Variants in TEX26 observed in about 807,000 individuals in gnomAD.
TEX26 encodes the protein testis-expressed protein 26.
In TEX26, 34 loss-of-function variants were observed where a neutral mutation model predicts 35.3. That is an observed-to-expected ratio of 0.96 (90% CI 0.73 to 1.28). The LOEUF (loss-of-function observed/expected upper bound fraction) is 1.28. Ranked by LOEUF, TEX26 falls within the 50% of genes most tolerant of loss-of-function variation. TEX26 has a pLI of 0.00. For missense variants in TEX26, 371 were observed against 330.1 expected, an observed-to-expected ratio of 1.12 and a Z score of -0.96; for synonymous variants, 136 against 111.8, an observed-to-expected ratio of 1.22 and a Z score of -1.36.
At chr13:30,958,573 T>C (rs548551843) in intron 4 of TEX26, among the ~76,000 whole-genome samples, 1 of 152,172 alleles carries the variant, frequency 6.6e-6, no homozygotes, top group African/African-American at 2.4e-5. Flanking sequence ...GACAGGAGAA[T>C]GACACATCTC....
At chr13:30,942,018 T>C (rs985509810) in intron 2 of TEX26, among the ~76,000 whole-genome samples, 6 of 152,178 alleles carry the variant, frequency 3.9e-5, no homozygotes, top group African/African-American at 1.4e-4. Context: ...TTCCTTTGGG[T>C]AGATACCTAG....
At chr13:30,935,032 A>G (rs1319186154) in intron 1 of TEX26, among the ~76,000 whole-genome samples, 1 of 152,172 alleles carries the variant, frequency 6.6e-6, no homozygotes, top group East Asian at 1.9e-4. Flanking sequence ...GGACCTGGGC[A>G]TCTCTGCAGC....
chr13:30,971,029 T>C (rs150040672), intron 6 of TEX26, among the ~76,000 whole-genome samples: 11 of 152,366 alleles, frequency 7.2e-5, no homozygotes, highest in African/African-American at 2.6e-4. Flanking sequence ...TGAAGGCTCA[T>C]GCCCCAGAGC....
intron 3 of TEX26, among the ~76,000 whole-genome samples, chr13:30,953,421 A>G (rs760420257): frequency 6.6e-6 from 1 of 152,278 alleles, no homozygotes; most frequent in Non-Finnish European, 1.5e-5. Context: ...AGCAAATATC[A>G]GTACTTCCAG....
At chr13:30,962,764 A>G (rs189716199) in intron 4 of TEX26, among the ~76,000 whole-genome samples, 1 of 152,304 alleles carries the variant, frequency 6.6e-6, no homozygotes, top group East Asian at 1.9e-4. Flanking sequence ...CAGCGGAGCT[A>G]GTTCCCACTT....
At chr13:30,974,131 A>AAATATATATATAT in intron 6 of TEX26, among the ~76,000 whole-genome samples, 97 of 84,396 alleles carry the variant, frequency 1.1e-3, no homozygotes, top group African/African-American at 4.0e-3. Flanking sequence ...AAAAAAAAAA[A>AAATATATATATAT]ATATATATAT....
intron 3 of TEX26, among the ~76,000 whole-genome samples, chr13:30,956,048 G>A (rs1954114258): frequency 6.6e-6 from 1 of 151,922 alleles, no homozygotes; most frequent in South Asian, 2.1e-4. Flanking sequence ...AAGTTTTAGG[G>A]TACATGTGCA....
chr13:30,957,123 GA>G, intron 4 of TEX26, 94 bp downstream of exon 4: 1 of 1,292,760 alleles, frequency 7.7e-7, no homozygotes, highest in Non-Finnish European at 1.1e-6. Flanking sequence ...CTCCTTCAAG[GA>G]ACTTGAAGTC....
intron 1 of TEX26, among the ~76,000 whole-genome samples, chr13:30,935,854 T>A (rs1953255348): frequency 6.6e-6 from 1 of 152,242 alleles, no homozygotes; most frequent in African/African-American, 2.4e-5. Flanking sequence ...GCAAAGGCAC[T>A]GCAGCCACAG....
intron 4 of TEX26, among the ~76,000 whole-genome samples, chr13:30,961,519 T>C (rs564615145): frequency 1.5e-5 from 2 of 133,488 alleles, no homozygotes; most frequent in South Asian, 5.8e-4. Flanking sequence ...AGTTGCTACA[T>C]CTACATTTGC....
At chr13:30,957,632 G>T (rs1451429938) in intron 4 of TEX26, among the ~76,000 whole-genome samples, 2 of 152,194 alleles carry the variant, frequency 1.3e-5, no homozygotes, top group Admixed American at 1.3e-4. Flanking sequence ...GCTGTTAGGG[G>T]AGCGCAGAGA....
At chr13:30,942,261 C>T (rs995410533) in intron 2 of TEX26, among the ~76,000 whole-genome samples, 5 of 152,024 alleles carry the variant, frequency 3.3e-5, no homozygotes, top group African/African-American at 4.8e-5. Flanking sequence ...ATTTGTATTT[C>T]CCTGATGATT....
At chr13:30,946,134 G>A in intron 2 of TEX26, among the ~76,000 whole-genome samples, 1 of 151,790 alleles carries the variant, frequency 6.6e-6, no homozygotes, top group East Asian at 1.9e-4. Flanking sequence ...ATTTCTTGGA[G>A]ACTTTACTCA....
chr13:30,961,200 C>T (rs1349855477), intron 4 of TEX26, among the ~76,000 whole-genome samples: 1 of 152,174 alleles, frequency 6.6e-6, no homozygotes, highest in Non-Finnish European at 1.5e-5. Flanking sequence ...CTCCACTCAC[C>T]TTTTACCATG....
intron 1 of TEX26, among the ~76,000 whole-genome samples, chr13:30,937,804 T>C (rs1258968952): frequency 6.6e-6 from 1 of 152,084 alleles, no homozygotes; most frequent in Non-Finnish European, 1.5e-5. Context: ...TCAGCCAGGG[T>C]TAAGGGCACA....
At chr13:30,966,425 T>C in intron 5 of TEX26, 27 bp downstream of exon 5, 15 of 1,497,594 alleles carry the variant, frequency 1.0e-5, no homozygotes, top group Non-Finnish European at 1.3e-5. Context: ...TTTCTTTTTC[T>C]TTTTCTCTTT....
intron 4 of TEX26, among the ~76,000 whole-genome samples, chr13:30,959,279 C>T (rs1378353737): frequency 6.6e-6 from 1 of 152,176 alleles, no homozygotes; most frequent in Non-Finnish European, 1.5e-5. Flanking sequence ...CATCCCTACT[C>T]TTATTCCTCA....
intron 2 of TEX26, among the ~76,000 whole-genome samples, chr13:30,952,043 T>G (rs1593567792): frequency 1.0e-5 from 1 of 98,432 alleles, no homozygotes; most frequent in South Asian, 4.0e-4. Flanking sequence ...TTTTTTTTTT[T>G]TGGTCTCCAT....
Position 30,968,931 on chromosome 13 carries a change from G to A in TEX26, c.693G>A (p.Lys231=). The A allele has an allele frequency of 6.2e-7, 1 of 1,614,092 alleles. No individual in the cohort carries two copies. The highest frequency in any genetic ancestry group is 8.5e-7 in the Non-Finnish European group (1 of 1,179,986). ...HSYLRNQEHT[K]KQTTYQSDYD... ...ACCTGAGGAACCAAGAGCACACAAA[G>A]AAACAGACCACATACCAAAGTGACT... is the stretch of plus-strand genomic sequence containing the variant. Residue 231 remains lysine (K), a synonymous_variant, in exon 6 of 7, where the codon AAG becomes AAA. Transcript: ENST00000380473.
Sources: gnomAD v4.1 joint callset for allele counts (sites outside exome capture counted in the v4.1 genomes callset) on GRCh38, gnomAD v4.1.1 for gene constraint, MANE v1.5 for transcripts, NCBI Gene and HGNC (gene_info 2026-07-23, HGNC 2026-07-21) for gene names.